C9orf78: variants seen among roughly 807,000 people sequenced by gnomAD.
The protein encoded by C9orf78 is splicing factor C9orf78.
A neutral mutation model predicts 37.4 loss-of-function variants in C9orf78; 19 were observed. The ratio of observed to expected loss-of-function variants is 0.51; its 90% confidence interval spans 0.35 to 0.74. The LOEUF is 0.74. C9orf78 is among the 30% of genes least tolerant of loss of function. The probability of loss-of-function intolerance (pLI) is 0.01; values close to 1 mark genes in which losing one functional copy is unlikely to be tolerated. For missense variants in C9orf78, 291 were observed against 370.8 expected (o/e 0.78, Z 1.77); for synonymous variants, 130 against 128.0 (o/e 1.02, Z -0.10).
rs2031383999 is a variant in C9orf78 at position 129,827,936 on chromosome 9, A to G, written c.*225T>C. ...CTCCTGAGCAGCTGGGATTACAGGC[A>G]TGTGCCACCACGCCTGGCTAACTTT... is the stretch of plus-strand genomic sequence containing the variant. On this transcript the variant is annotated 3_prime_UTR_variant, in exon 9 of 9. Transcript: ENST00000372447. 3.2e-6 allele frequency: 1 copy of G among 315,842 alleles called. No individual in the cohort carries two copies. The highest frequency in any genetic ancestry group is 4.3e-5 in the Admixed American group (1 of 23,384). The allele number at this position is 315,842 out of a possible 1,614,324, so 19.6% of individuals were successfully genotyped here.
rs761073432 is a variant in C9orf78 at position 129,834,716 on chromosome 9, T to C, written c.134A>G (p.Asn45Ser). ...REVQNLRKRP[N>S]GVSAVALLVG... is the part of the protein sequence containing the mutation. The stretch of plus-strand genomic sequence containing the variant: ...CCCGCGTGGTACCCACCTCACCCCG[T>C]TGGGCCTCTTCCTCAAGTTCTGTAC... The change falls in exon 2 of 9, where the codon AAC becomes AGC. Residue 45 changes from asparagine to serine, a missense_variant. Asn to Ser is a conservative substitution (Grantham distance 46). Around this residue, in one of 3 missense-constraint regions of C9orf78, gnomAD observed 158 missense variants for 174.8 expected, o/e 0.90. Transcript: ENST00000372447. 15 of 1,611,310 alleles carry C rather than the reference T, an allele frequency of 9.3e-6. No homozygotes were observed. Among genetic ancestry groups the C allele is most frequent in the East Asian group, 2.2e-5 (1 of 44,874 alleles).
Position 129,829,518 on chromosome 9 carries a change from G to C in C9orf78, c.566C>G (p.Ser189Cys). The part of the protein sequence containing the change: ...GIDAKIKNII[S>C]TEDAKARLLA... ...CAGACGGGCCTTGGCATCCTCCGTGGAAATGATATTTTTTATTTTAGCACT... is the reference window on the plus strand; with the variant it reads ...CAGACGGGCCTTGGCATCCTCCGTGCAAATGATATTTTTTATTTTAGCACT... The change falls in exon 7 of 9, where the codon TCC (serine) becomes TGC (cysteine). Residue 189 changes from serine (S) to cysteine (C), a missense_variant. This residue lies in a region of C9orf78 where 120 missense variants were observed against 148.7 expected (regional missense o/e 0.81). Coordinates refer to ENST00000372447, the MANE Select transcript of C9orf78 (RefSeq NM_016520.3). 6.2e-7 allele frequency: 1 copy of C among 1,613,948 alleles called. No individual in the cohort carries two copies. Among genetic ancestry groups the C allele is most frequent in the Non-Finnish European group, 8.5e-7 (1 of 1,179,914 alleles).
chr9:129,834,373 G>A, intron 2 of C9orf78: 1 of 292,798 alleles, frequency 3.4e-6, no homozygotes, highest in Non-Finnish European at 6.3e-6. Flanking sequence ...CCGGATGGGA[G>A]AATTATGGGT....
intron 5 of C9orf78, chr9:129,831,352 AAGCCCATGTTTT>A: frequency 2.2e-6 from 1 of 464,006 alleles, no homozygotes; most frequent in South Asian, 2.9e-5. Flanking sequence ...AAAAGTGGGC[AAGCCCATGTTTT>A]ATCCCTGCAA....
intron 1 of C9orf78, 172 bp downstream of exon 1, chr9:129,834,967 C>T: frequency 1.5e-6 from 1 of 681,766 alleles, no homozygotes; most frequent in Admixed American, 2.6e-5. Context: ...CTCTCTCAAC[C>T]GTTCGAGCTT....
At chr9:129,832,110 AGTATAT>A in intron 4 of C9orf78, 137 bp from the exon 5 acceptor site, 1 of 608,696 alleles carries the variant, frequency 1.6e-6, no homozygotes, top group Non-Finnish European at 2.9e-6. Flanking sequence ...AAAATGCCGT[AGTATAT>A]GTAAAGAAAA....
intron 6 of C9orf78, 163 bp from the exon 7 acceptor site, chr9:129,829,704 T>C (rs1256762647): frequency 3.2e-6 from 2 of 617,558 alleles, no homozygotes; most frequent in Non-Finnish European, 2.8e-6. Flanking sequence ...CTCACGGGAC[T>C]CTCACGGCTG....
chr9:129,828,239 G>T lies in C9orf78; in HGVS notation c.792C>A (p.Asn264Lys). 1.3e-6 allele frequency: 2 copies of T among 1,599,712 alleles called. No individual in the cohort carries two copies. The highest frequency in any genetic ancestry group is 1.7e-6 in the Non-Finnish European group (2 of 1,168,142). The change falls in exon 9 of 9, where the codon AAC (asparagine) becomes AAA (lysine). Residue 264 changes from asparagine (N) to lysine (K), a missense_variant. Asn to Lys is a moderately conservative substitution (Grantham distance 94, BLOSUM62 0). Coordinates refer to ENST00000372447, the MANE Select transcript of C9orf78 (RefSeq NM_016520.3). ...EKPEPERSPP[N>K]RKRPANEKAT... ...CCTTCTCGTTAGCAGGACGCTTGCG[G>T]TTAGGAGGGGACCCTGAGAAGGAAA...
chr9:129,832,301 A>C (rs1040347774), intron 4 of C9orf78, among the ~76,000 whole-genome samples: 2 of 152,198 alleles, frequency 1.3e-5, no homozygotes, highest in African/African-American at 4.8e-5. Context: ...ATCTGCATCT[A>C]ACCTACACAC....
At chr9:129,831,752 G>A in intron 5 of C9orf78, 144 bp downstream of exon 5, 1 of 674,764 alleles carries the variant, frequency 1.5e-6, no homozygotes, top group Non-Finnish European at 2.7e-6. Context: ...GGTTTTCAAA[G>A]TTCTTAAGCT....
intron 6 of C9orf78, 74 bp from the exon 7 acceptor site, chr9:129,829,615 G>A (rs2031440288): frequency 1.5e-6 from 2 of 1,320,402 alleles, no homozygotes; most frequent in Non-Finnish European, 2.1e-6. Context: ...GGTGAGGCTG[G>A]CAGCCCAGCA....
chr9:129,834,900 G>A (rs953541640), intron 1 of C9orf78, 134 bp from the exon 2 acceptor site: 6 of 761,122 alleles, frequency 7.9e-6, no homozygotes, highest in East Asian at 5.1e-5. Context: ...TGGTCCAGAG[G>A]ACGACCTTGT....
In C9orf78 at chr9:129,831,114, C is replaced by T. The variant is rs1423928149; in HGVS notation, c.345-46G>A. On this transcript the variant is annotated intron_variant, in intron 5 of 8. Coordinates refer to ENST00000372447, the MANE Select transcript of C9orf78 (RefSeq NM_016520.3). ...GCCTCAGGGAGGGGTGGGAAACACA[C>T]ACCAGGTGTCCTCTAAATCAGTGGT... is the stretch of plus-strand genomic sequence containing the variant. The T allele has an allele frequency of 3.3e-6, 4 of 1,201,580 alleles. No individual in the cohort carries two copies. In the East Asian group the frequency reaches 7.0e-5, roughly 21 times the overall value. 74.4% of individuals were successfully genotyped at this position (1,201,580 alleles called of 1,614,324 possible). A position where few individuals can be genotyped will look rare whatever the true frequency, so the allele number is the denominator to read the frequency against.
rs8113 is a variant in C9orf78 at position 129,827,327 on chromosome 9, T to C, written c.*834A>G. Reference sequence around the variant, plus strand: ...TGAAATTTAATAATTCTAATAGTAATAAGAAACATAGTTTATGCTTTTTTT... The same window carrying C: ...TGAAATTTAATAATTCTAATAGTAACAAGAAACATAGTTTATGCTTTTTTT... On this transcript the variant is annotated 3_prime_UTR_variant, in exon 9 of 9. Coordinates refer to ENST00000372447, the MANE Select transcript of C9orf78 (RefSeq NM_016520.3). 35,740 of 152,066 alleles carry C rather than the reference T, an allele frequency of 0.24. 4,262 individuals carry two copies. The highest frequency in any genetic ancestry group is 0.27 in the Middle Eastern group (80 of 292). The allele number at this position is 152,066 out of a possible 1,614,324, so 9.4% of individuals were successfully genotyped here.
chr9:129,827,692 A>G lies in C9orf78; in HGVS notation c.*469T>C, dbSNP rs2031371790. ...TATAAATTTAGTGCTTGAAAAATCC[A>G]GCAGGTAAGTAGAAGGACTAACAGG... is the stretch of plus-strand genomic sequence containing the variant. On this transcript the variant is annotated 3_prime_UTR_variant, in exon 9 of 9. Transcript: ENST00000372447. 1 of 152,162 alleles carries G rather than the reference A, an allele frequency of 6.6e-6. No individual in the cohort carries two copies. Among genetic ancestry groups the G allele is most frequent in the Non-Finnish European group, 1.5e-5 (1 of 68,052 alleles). 9.4% of individuals were successfully genotyped at this position (152,162 alleles called of 1,614,324 possible). A position where few individuals can be genotyped will look rare whatever the true frequency, so the allele number is the denominator to read the frequency against.
Position 129,835,139 on chromosome 9 carries a change from C to T in C9orf78, c.83G>A (p.Arg28Gln), listed in dbSNP as rs1455306311. 5 of 1,610,030 alleles carry T rather than the reference C, an allele frequency of 3.1e-6. No individual in the cohort carries two copies. Among genetic ancestry groups the T allele is most frequent in the Non-Finnish European group, 4.2e-6 (5 of 1,177,144 alleles). The change falls in exon 1 of 9, where the codon CGA (arginine) becomes CAA (glutamine). Residue 28 changes from arginine (R) to glutamine (Q), a missense_variant and splice_region_variant. By Grantham distance (43) the Arg-to-Gln change is conservative. Around this residue, in one of 3 missense-constraint regions of C9orf78, gnomAD observed 158 missense variants for 174.8 expected, o/e 0.90. Transcript: ENST00000372447. ...EEDEQDSEEV[R>Q]LKLEETREVQ... ...TATGGGAGCCCCGCCCCAAACGCAC[C>T]GAACCTCCTCTGAGTCCTGCTCATC...
chr9:129,834,880 A>C, intron 1 of C9orf78, 114 bp from the exon 2 acceptor site: 1 of 839,828 alleles, frequency 1.2e-6, no homozygotes. Flanking sequence ...CTACTGAGCC[A>C]CCAGCACAGT....
intron 4 of C9orf78, 133 bp downstream of exon 4, chr9:129,833,314 C>T: frequency 1.5e-6 from 1 of 655,824 alleles, no homozygotes; most frequent in Non-Finnish European, 2.8e-6. Flanking sequence ...AAATAACACA[C>T]CCTTTGCAAA....
rs745921069 is a variant in C9orf78, at chr9:129,831,048, T to G, written c.365A>C (p.Glu122Ala). The G allele has an allele frequency of 6.2e-7, 1 of 1,612,994 alleles. No homozygotes were observed. The highest frequency in any genetic ancestry group is 2.2e-5 in the East Asian group (1 of 44,902). Reference sequence around the variant, plus strand: ...CACGATCCCTTTCCTCTTCTTTAGCTCTGTCTCAATGTACTTCATCCTGAA... The same window carrying G: ...CACGATCCCTTTCCTCTTCTTTAGCGCTGTCTCAATGTACTTCATCCTGAA... ...DADMMKYIETELKKRKGIVEH... is the reference protein window; with the variant it reads ...DADMMKYIETALKKRKGIVEH... The change falls in exon 6 of 9, where the codon GAG becomes GCG. Residue 122 changes from glutamate to alanine, a missense_variant. This residue lies in a region of C9orf78 where 158 missense variants were observed against 174.8 expected (regional missense o/e 0.90). Coordinates refer to ENST00000372447, the MANE Select transcript of C9orf78 (RefSeq NM_016520.3).
Sources: allele counts gnomAD v4.1 joint callset (sites outside exome capture counted in the v4.1 genomes callset), GRCh38; gene constraint gnomAD v4.1.1; regional missense constraint gnomAD v4.1.1; transcripts MANE v1.5; gene names NCBI Gene and HGNC (gene_info 2026-07-23, HGNC 2026-07-21).